ANKS1B: variants seen among roughly 807,000 people sequenced by gnomAD.
ANKS1B encodes ankyrin repeat and sterile alpha motif domain-containing protein 1B.
Under a neutral mutation model 148.3 loss-of-function variants are expected in ANKS1B, and 36 were observed. The ratio of observed to expected loss-of-function variants is 0.24; its 90% confidence interval spans 0.19 to 0.32. The LOEUF is 0.32. ANKS1B is among the 10% of genes least tolerant of loss of function. The pLI is 1.00. For synonymous variants in ANKS1B, 542 were observed against 560.8 expected (o/e 0.97, Z 0.47); for missense variants, 1,157 against 1,542.6 (o/e 0.75, Z 4.19).
intron 14 of ANKS1B, among the ~76,000 whole-genome samples, chr12:99,217,172 G>A (rs1439008885): frequency 6.6e-6 from 1 of 152,122 alleles, no homozygotes; most frequent in Admixed American, 6.5e-5. Flanking sequence ...GGGCCTCTCT[G>A]TTACAGCACT....
At chr12:99,524,620 C>T (rs1231924707) in intron 9 of ANKS1B, among the ~76,000 whole-genome samples, 2 of 152,104 alleles carry the variant, frequency 1.3e-5, no homozygotes, top group Admixed American at 6.6e-5. Context: ...TAAAGACATA[C>T]CCAAGACTGG....
At chr12:99,887,540 A>G (rs887457335) in intron 1 of ANKS1B, among the ~76,000 whole-genome samples, 1 of 152,178 alleles carries the variant, frequency 6.6e-6, no homozygotes, top group Admixed American at 6.5e-5. Context: ...GTTGAATAAT[A>G]GAAGACATGT....
intron 9 of ANKS1B, among the ~76,000 whole-genome samples, chr12:99,592,562 T>G (rs1402162360): frequency 6.6e-6 from 1 of 150,892 alleles, no homozygotes; most frequent in African/African-American, 2.4e-5. Context: ...AATACAGATA[T>G]CAAAGGGTTC....
intron 12 of ANKS1B, among the ~76,000 whole-genome samples, chr12:99,354,294 C>T (rs1346074674): frequency 1.3e-5 from 2 of 152,056 alleles, no homozygotes; most frequent in Non-Finnish European, 2.9e-5. Context: ...TTCTACTCCA[C>T]ATACTCTGTA....
rs1385292880 is a variant in ANKS1B, at chr12:99,296,232, A to C, written c.1757-49368T>G. On this transcript the variant is annotated intron_variant, in intron 12 of 26. Coordinates refer to ENST00000683438, the MANE Select transcript of ANKS1B (RefSeq NM_001352186.2). ...ATACCACATGGTCTTAAATATCATG[A>C]CTTTATACTATATCTTGAAGTCAGT... Among the ~76,000 whole-genome samples, 4 of 152,128 alleles carry C rather than the reference A, an allele frequency of 2.6e-5. No homozygotes were observed. The South Asian group carries it at 8.3e-4, about 32-fold the overall frequency.
At chr12:99,114,240 C>A (rs575747816) in intron 15 of ANKS1B, among the ~76,000 whole-genome samples, 1 of 152,154 alleles carries the variant, frequency 6.6e-6, no homozygotes, top group South Asian at 2.1e-4. Context: ...GATTGTTTAA[C>A]CATGGAATAC....
At chr12:99,202,462 A>C (rs1445904379) in intron 14 of ANKS1B, among the ~76,000 whole-genome samples, 1 of 152,188 alleles carries the variant, frequency 6.6e-6, no homozygotes, top group Non-Finnish European at 1.5e-5. Context: ...AATGATGGTT[A>C]GTTCTCATTT....
chr12:98,854,939 C>G (rs1352201563), intron 17 of ANKS1B, among the ~76,000 whole-genome samples: 20 of 151,806 alleles, frequency 1.3e-4, no homozygotes, highest in African/African-American at 4.8e-4. Context: ...GCGGGTGGAT[C>G]ATGAGGTCAG....
chr12:99,813,892 A>T (rs897172000), intron 2 of ANKS1B, among the ~76,000 whole-genome samples: 13 of 151,914 alleles, frequency 8.6e-5, no homozygotes, highest in African/African-American at 2.9e-4. Context: ...CGGAGAAATG[A>T]TAATCACACA....
At chr12:99,519,830 T>C (rs1258095615) in intron 9 of ANKS1B, among the ~76,000 whole-genome samples, 3 of 152,178 alleles carry the variant, frequency 2.0e-5, no homozygotes, top group Non-Finnish European at 4.4e-5. Context: ...ATCCATTGTA[T>C]GTATTTTGAT....
intron 8 of ANKS1B, among the ~76,000 whole-genome samples, chr12:99,677,064 T>C (rs1236780890): frequency 6.6e-6 from 1 of 152,234 alleles, no homozygotes; most frequent in Non-Finnish European, 1.5e-5. Context: ...TAATAACACC[T>C]ATTTCTAATT....
At chr12:99,714,217 C>A (rs2057002265) in intron 8 of ANKS1B, among the ~76,000 whole-genome samples, 1 of 150,746 alleles carries the variant, frequency 6.6e-6, no homozygotes, top group Non-Finnish European at 1.5e-5. Context: ...CTGCTTCTGT[C>A]ATGGCATTGC....
chr12:99,980,011 GA>G (rs2153859039), intron 1 of ANKS1B, among the ~76,000 whole-genome samples: 1 of 151,228 alleles, frequency 6.6e-6, no homozygotes, highest in African/African-American at 2.4e-5. Flanking sequence ...TCAAGAGTCA[GA>G]AAGAAGAAAA....
At chr12:99,612,471 T>C (rs2097910989) in intron 9 of ANKS1B, among the ~76,000 whole-genome samples, 1 of 151,880 alleles carries the variant, frequency 6.6e-6, no homozygotes, top group Non-Finnish European at 1.5e-5. Flanking sequence ...ATGCAGAGAG[T>C]TTAAGTAACT....
At chr12:99,225,753 G>A (rs2085830362) in intron 14 of ANKS1B, among the ~76,000 whole-genome samples, 3 of 152,184 alleles carry the variant, frequency 2.0e-5, no homozygotes, top group Admixed American at 2.0e-4. Flanking sequence ...AGGGGCTCTT[G>A]GGCCTTCGGC....
chr12:99,148,094 G>A (rs560163133), intron 15 of ANKS1B, among the ~76,000 whole-genome samples: 2 of 152,206 alleles, frequency 1.3e-5, no homozygotes, highest in South Asian at 4.1e-4. Context: ...TTTTAAAGAA[G>A]AGTAGAAATA....
intron 15 of ANKS1B, among the ~76,000 whole-genome samples, chr12:99,140,199 C>G (rs2070141721): frequency 6.6e-6 from 1 of 152,162 alleles, no homozygotes; most frequent in Non-Finnish European, 1.5e-5. Flanking sequence ...CCACAGTACT[C>G]TGCGAACAAC....
At chr12:99,570,821 G>C (rs1349720536) in intron 9 of ANKS1B, among the ~76,000 whole-genome samples, 1 of 151,956 alleles carries the variant, frequency 6.6e-6, no homozygotes, top group Non-Finnish European at 1.5e-5. Context: ...ACGTACTTTA[G>C]AGATCAATTG....
intron 17 of ANKS1B, among the ~76,000 whole-genome samples, chr12:98,849,243 T>A (rs12227147): frequency 0.021 from 3,137 of 152,086 alleles, 76 homozygotes; most frequent in East Asian, 0.1. Context: ...TTTTTTTTTT[T>A]ATTTAGATTT....
Sources: allele counts gnomAD v4.1 joint callset (sites outside exome capture counted in the v4.1 genomes callset), GRCh38; gene constraint gnomAD v4.1.1; transcripts MANE v1.5; gene names NCBI Gene and HGNC (gene_info 2026-07-23, HGNC 2026-07-21).